CSGALNACT1: variants seen among roughly 807,000 people sequenced by gnomAD.
CSGALNACT1 encodes chondroitin sulfate N-acetylgalactosaminyltransferase 1.
A neutral mutation model predicts 51.0 loss-of-function variants in CSGALNACT1; 52 were observed. The ratio of observed to expected loss-of-function variants is 1.02; its 90% confidence interval spans 0.82 to 1.29. The LOEUF (loss-of-function observed/expected upper bound fraction) is 1.29, where lower values mean the gene tolerates loss of function less well. Among genes scored for constraint, CSGALNACT1 ranks in the 50% most tolerant of loss-of-function variants. The probability of loss-of-function intolerance (pLI) is 0.00; values close to 1 mark genes in which losing one functional copy is unlikely to be tolerated. For synonymous variants in CSGALNACT1, 341 were observed against 254.4 expected (o/e 1.34, Z -3.24); for missense variants, 935 against 679.2 (o/e 1.38, Z -4.19).
chr8:19,731,472 C>T (rs1346493748), intron 1 of CSGALNACT1, among the ~76,000 whole-genome samples: 1 of 152,208 alleles, frequency 6.6e-6, no homozygotes, highest in Non-Finnish European at 1.5e-5. Context: ...TACACCACTG[C>T]ATTCTAGCCT....
At chr8:19,648,857 G>C (rs982057471) in intron 1 of CSGALNACT1, among the ~76,000 whole-genome samples, 1 of 152,132 alleles carries the variant, frequency 6.6e-6, no homozygotes, top group East Asian at 1.9e-4. Flanking sequence ...TAACAGAGAA[G>C]TGGATAAATT....
intron 4 of CSGALNACT1, among the ~76,000 whole-genome samples, chr8:19,467,183 G>C (rs926366185): frequency 2.3e-5 from 3 of 132,124 alleles, no homozygotes; most frequent in Non-Finnish European, 4.6e-5. Flanking sequence ...GCAGTGGTGC[G>C]ATCTCGGCTC....
At chr8:19,534,830 C>T (rs938420619) in intron 3 of CSGALNACT1, among the ~76,000 whole-genome samples, 1 of 152,152 alleles carries the variant, frequency 6.6e-6, no homozygotes, top group Non-Finnish European at 1.5e-5. Flanking sequence ...ATTTGGCAAT[C>T]TTTTTTCTTC....
intron 4 of CSGALNACT1, among the ~76,000 whole-genome samples, chr8:19,463,516 G>T (rs569930578): frequency 6.6e-6 from 1 of 152,288 alleles, no homozygotes; most frequent in South Asian, 2.1e-4. Context: ...TGGGGGGAGG[G>T]GTGGTGAGGG....
intron 1 of CSGALNACT1, among the ~76,000 whole-genome samples, chr8:19,689,118 C>T (rs189837025): frequency 9.2e-5 from 14 of 152,200 alleles, no homozygotes; most frequent in Admixed American, 9.2e-4. Context: ...CTCCTATTGC[C>T]CCGTCCTCTG....
intron 3 of CSGALNACT1, among the ~76,000 whole-genome samples, chr8:19,538,512 G>A (rs946557058): frequency 6.6e-6 from 1 of 152,156 alleles, no homozygotes; most frequent in Non-Finnish European, 1.5e-5. Context: ...AGAGAGCAAT[G>A]TATGAACCTG....
intron 4 of CSGALNACT1, among the ~76,000 whole-genome samples, chr8:19,461,252 C>G (rs1169943245): frequency 6.6e-6 from 1 of 152,224 alleles, no homozygotes; most frequent in African/African-American, 2.4e-5. Context: ...TTAAGTGTTT[C>G]CCTTCAAAGA....
At chr8:19,473,709 G>C (rs1358237699) in intron 4 of CSGALNACT1, among the ~76,000 whole-genome samples, 1 of 152,178 alleles carries the variant, frequency 6.6e-6, no homozygotes, top group African/African-American at 2.4e-5. Flanking sequence ...GGTTTTGTTG[G>C]AATGACTCAT....
At chr8:19,721,853 A>G (rs1392874906) in intron 1 of CSGALNACT1, among the ~76,000 whole-genome samples, 2 of 152,226 alleles carry the variant, frequency 1.3e-5, no homozygotes, top group African/African-American at 2.4e-5. Flanking sequence ...GGATCATTAA[A>G]TGTATTCCTT....
At chr8:19,604,099 C>T (rs147379218), upstream of CSGALNACT1, among the ~76,000 whole-genome samples, 371 of 152,210 alleles carry the variant, frequency 2.4e-3, 3 homozygotes, top group African/African-American at 7.7e-3. Context: ...TCTCCTTAGC[C>T]GTTCCAAGCA....
rs530613654 is a variant in CSGALNACT1 at position 19,460,303 on chromosome 8, T to C, written c.635-1661A>G. ...AGAGACCATGTTTACATACCTTTTA[T>C]TACCTTATATTGTTATGATTATTCT... On this transcript the variant is annotated intron_variant, in intron 4 of 9. Transcript: ENST00000454498. 1.6e-4 allele frequency among the ~76,000 whole-genome samples: 24 copies of C among 152,322 alleles called. 1 individual carries two copies. The South Asian group carries it at 5.0e-3, about 32-fold the overall frequency.
intron 3 of CSGALNACT1, among the ~76,000 whole-genome samples, chr8:19,533,764 G>A (rs1437485793): frequency 6.6e-6 from 1 of 152,108 alleles, no homozygotes; most frequent in Admixed American, 6.6e-5. Context: ...TGATCATAAT[G>A]CTCATTGCTG....
chr8:19,515,576 G>T (rs1288852652), intron 3 of CSGALNACT1, among the ~76,000 whole-genome samples: 1 of 152,102 alleles, frequency 6.6e-6, no homozygotes, highest in Non-Finnish European at 1.5e-5. Flanking sequence ...CTAAGTAAAA[G>T]AATTCTGATT....
At chr8:19,560,354 C>G (rs2040422126) in intron 3 of CSGALNACT1, among the ~76,000 whole-genome samples, 1 of 152,032 alleles carries the variant, frequency 6.6e-6, no homozygotes, top group Non-Finnish European at 1.5e-5. Flanking sequence ...TAAAAAGGCA[C>G]AAAAGGCAAC....
At chr8:19,666,813 G>GAAAGAAAGAA (rs1564383282) in intron 1 of CSGALNACT1, among the ~76,000 whole-genome samples, 77 of 23,948 alleles carry the variant, frequency 3.2e-3, no homozygotes, top group Admixed American at 4.4e-3. Flanking sequence ...GAAAGAAAGA[G>GAAAGAAAGAA]AGAGAGAGAG....
chr8:19,413,391 T>C (rs2153680589), intron 8 of CSGALNACT1, among the ~76,000 whole-genome samples: 1 of 152,288 alleles, frequency 6.6e-6, no homozygotes, highest in East Asian at 1.9e-4. Context: ...CCTCAATTCC[T>C]CATCTGTGAA....
intron 1 of CSGALNACT1, among the ~76,000 whole-genome samples, chr8:19,728,591 A>T (rs535798190): frequency 4.6e-5 from 7 of 152,278 alleles, no homozygotes; most frequent in African/African-American, 1.4e-4. Context: ...ACACACGCAC[A>T]CACACTCTCA....
At chr8:19,713,780 C>T (rs2062649424) in intron 1 of CSGALNACT1, among the ~76,000 whole-genome samples, 1 of 152,214 alleles carries the variant, frequency 6.6e-6, no homozygotes, top group Admixed American at 6.5e-5. Flanking sequence ...GCCTCGAGAT[C>T]TGCAAGACCA....
At position 19,646,625 on chromosome 8, in the gene CSGALNACT1, C is replaced by T. The variant is rs371740162; in HGVS notation, c.-544+35848G>A. The stretch of plus-strand genomic sequence containing the variant: ...GGATAAGGAAACGCCACCTTTAGTA[C>T]AAGAAAGCCCCGTCTATGAATCTCA... On this transcript the variant is annotated intron_variant, in intron 1 of 9. Coordinates refer to the CSGALNACT1 transcript ENST00000332246. 2.0e-4 allele frequency among the ~76,000 whole-genome samples: 31 copies of T among 152,244 alleles called. No homozygotes were observed. In the East Asian group the frequency reaches 3.3e-3, roughly 16 times the overall value.
Sources: gnomAD v4.1 joint callset for allele counts (sites outside exome capture counted in the v4.1 genomes callset) on GRCh38, gnomAD v4.1.1 for gene constraint, MANE v1.5 for transcripts, NCBI Gene and HGNC (gene_info 2026-07-23, HGNC 2026-07-21) for gene names.